The following ZNF722 variants were observed in gnomAD, a reference collection of about 807,000 sequenced individuals.
The protein encoded by ZNF722 is zinc finger protein 722.
the ZNF722 span, among the ~76,000 whole-genome samples, chr7:64,002,314 G>A: frequency 4.6e-5 from 7 of 152,042 alleles, no homozygotes; most frequent in Non-Finnish European, 8.8e-5. Context: ...TTTTTAAATT[G>A]AGATCTAACT....
the ZNF722 span, among the ~76,000 whole-genome samples, chr7:64,018,079 A>T: frequency 6.6e-6 from 1 of 152,160 alleles, no homozygotes; most frequent in Non-Finnish European, 1.5e-5. Flanking sequence ...TAATGTGTTA[A>T]AACTATTGTG....
chr7:64,000,436 C>CTT, the ZNF722 span, among the ~76,000 whole-genome samples: 403 of 23,694 alleles, frequency 0.017, 140 homozygotes, highest in East Asian at 0.047. Flanking sequence ...CATGCCCGGC[C>CTT]TTTTTTTTTT....
the ZNF722 span, chr7:64,015,902 A>C: frequency 6.5e-7 from 1 of 1,540,250 alleles, no homozygotes; most frequent in Non-Finnish European, 8.9e-7. Context: ...CTGGAGAGAA[A>C]CCCTACAAAA....
the ZNF722 span, among the ~76,000 whole-genome samples, chr7:64,014,782 T>C: frequency 2.0e-5 from 3 of 152,310 alleles, no homozygotes; most frequent in African/African-American, 7.2e-5. Flanking sequence ...GACTTTTCTT[T>C]TCTTTCTATA....
the ZNF722 span, among the ~76,000 whole-genome samples, chr7:64,007,230 G>GCGTATATATATATATATATATA: frequency 7.2e-6 from 1 of 138,512 alleles, no homozygotes; most frequent in African/African-American, 2.9e-5. Context: ...GTTTGTGTGT[G>GCGTATATATATATATATATATA]TATATATATA....
At chr7:64,015,922 G>C in the ZNF722 span, 1 of 1,482,002 alleles carries the variant, frequency 6.7e-7, no homozygotes, top group Non-Finnish European at 9.3e-7. Flanking sequence ...AGTAAATAAT[G>C]TGGCAAATTC....
chr7:64,008,301 G>A, the ZNF722 span, among the ~76,000 whole-genome samples: 1 of 152,108 alleles, frequency 6.6e-6, no homozygotes, highest in African/African-American at 2.4e-5. Context: ...TAGTGTTTTA[G>A]TCATGAAGTC....
the ZNF722 span, chr7:64,014,963 G>A: frequency 2.6e-5 from 30 of 1,134,612 alleles, no homozygotes; most frequent in East Asian, 1.2e-4. Context: ...TTATATATTC[G>A]ATTTGTAAAG....
the ZNF722 span, among the ~76,000 whole-genome samples, chr7:64,016,515 A>C: frequency 6.6e-6 from 1 of 152,334 alleles, no homozygotes; most frequent in African/African-American, 2.4e-5. Flanking sequence ...CTAGAGAGAA[A>C]TCCTACAAAA....
At chr7:64,007,751 T>C in the ZNF722 span, among the ~76,000 whole-genome samples, 4 of 152,210 alleles carry the variant, frequency 2.6e-5, no homozygotes. Flanking sequence ...CCTTTGGGTA[T>C]ATACCCAGTA....
the ZNF722 span, among the ~76,000 whole-genome samples, chr7:64,004,423 A>AT: frequency 4.8e-3 from 297 of 61,572 alleles, 3 homozygotes; most frequent in African/African-American, 0.019. Flanking sequence ...AAAAAAAAAA[A>AT]AAATATATAT....
At chr7:64,012,815 C>T in the ZNF722 span, among the ~76,000 whole-genome samples, 1 of 152,146 alleles carries the variant, frequency 6.6e-6, no homozygotes, top group Non-Finnish European at 1.5e-5. Flanking sequence ...CTAATGAGAG[C>T]TGTTTGCATC....
the ZNF722 span, among the ~76,000 whole-genome samples, chr7:64,003,229 G>A: frequency 0.73 from 111,212 of 152,036 alleles, 41,027 homozygotes; most frequent in Admixed American, 0.78. Context: ...GTGTCTGATA[G>A]GGGAGGGCAG....
At chr7:64,002,365 C>A in the ZNF722 span, among the ~76,000 whole-genome samples, 1 of 152,160 alleles carries the variant, frequency 6.6e-6, no homozygotes, top group Admixed American at 6.5e-5. Context: ...TTATTCTTAA[C>A]ACTGCCTTAG....
chr7:64,012,852 T>G, the ZNF722 span, among the ~76,000 whole-genome samples: 1 of 152,290 alleles, frequency 6.6e-6, no homozygotes, highest in Non-Finnish European at 1.5e-5. Context: ...TATGGATGAC[T>G]TGGCACAATC....
the ZNF722 span, chr7:64,016,199 C>T: frequency 7.5e-6 from 2 of 266,410 alleles, no homozygotes; most frequent in South Asian, 1.1e-4. Flanking sequence ...AGTGCAGTGG[C>T]ACAAACTCAG....
the ZNF722 span, among the ~76,000 whole-genome samples, chr7:63,999,294 T>C: frequency 7.9e-5 from 12 of 152,260 alleles, 1 homozygote; most frequent in East Asian, 2.1e-3. Context: ...TGTACAGGGA[T>C]GGGAAAGTCA....
the ZNF722 span, among the ~76,000 whole-genome samples, chr7:64,012,389 G>T: frequency 3.4e-4 from 51 of 152,086 alleles, no homozygotes; most frequent in Non-Finnish European, 6.9e-4. Flanking sequence ...TTCTGCTTTG[G>T]TTCCTCCCCA....
At chr7:64,004,340 T>C in the ZNF722 span, among the ~76,000 whole-genome samples, 1 of 141,650 alleles carries the variant, frequency 7.1e-6, no homozygotes, top group African/African-American at 2.6e-5. Flanking sequence ...ACTCAGGAGG[T>C]GGAGGTTGCA....
Sources: allele counts gnomAD v4.1 joint callset (sites outside exome capture counted in the v4.1 genomes callset), GRCh38; gene constraint gnomAD v4.1.1; transcripts MANE v1.5; gene names NCBI Gene and HGNC (gene_info 2026-07-23, HGNC 2026-07-21).